The following KASH5 variants were observed in gnomAD, a reference collection of about 807,000 sequenced individuals.
KASH5 encodes the protein protein KASH5.
Under a neutral mutation model 84.2 loss-of-function variants are expected in KASH5, and 72 were observed. That is an observed-to-expected ratio of 0.85 (90% CI 0.71 to 1.04). KASH5 has a LOEUF of 1.04. Ranked by LOEUF, KASH5 falls within the 50% of genes least tolerant of loss-of-function variation. The pLI, the probability that KASH5 is intolerant of heterozygous loss-of-function variation, is 0.00. For synonymous variants in KASH5, 260 were observed against 279.1 expected, an observed-to-expected ratio of 0.93 and a Z score of 0.68; for missense variants, 650 against 701.0, an observed-to-expected ratio of 0.93 and a Z score of 0.82.
Position 49,409,740 on chromosome 19 carries a change from A to G in KASH5, c.1147-13A>G, listed in dbSNP as rs567525620. The G allele has an allele frequency of 2.8e-4, 458 of 1,613,804 alleles. 5 individuals are homozygous for G. The South Asian group carries it at 4.6e-3, about 16-fold the overall frequency. ...ATGGCTCTCCCTGACCTCGGAAACAACTTCTGTCCCAGAAACAGGAAGTGG... is the reference window on the plus strand; with the variant it reads ...ATGGCTCTCCCTGACCTCGGAAACAGCTTCTGTCCCAGAAACAGGAAGTGG... On this transcript the variant is annotated splice_polypyrimidine_tract_variant and intron_variant, in intron 14 of 19. Transcript: ENST00000447857.
chr19:49,401,967 C>T lies in KASH5; in HGVS notation c.798+2460C>T, dbSNP rs543677898. ...TTTTAAGAATGAAAAAGTTGCCAGG[C>T]GCAGTGGCTCACGCCTGTAATCCCA... On this transcript the variant is annotated intron_variant, in intron 9 of 19. Transcript: ENST00000447857. Among the ~76,000 whole-genome samples, 12 of 152,222 alleles carry T rather than the reference C, an allele frequency of 7.9e-5. No homozygotes were observed. In the South Asian group the frequency reaches 8.3e-4, roughly 11 times the overall value.
At chr19:49,406,025 G>A (rs1974515011) in intron 9 of KASH5, among the ~76,000 whole-genome samples, 1 of 150,804 alleles carries the variant, frequency 6.6e-6, no homozygotes, top group African/African-American at 2.4e-5. Flanking sequence ...CTACTAGGGA[G>A]GCTGAGGCAA....
intron 2 of KASH5, among the ~76,000 whole-genome samples, chr19:49,393,993 G>C (rs1220799720): frequency 6.6e-6 from 1 of 152,174 alleles, no homozygotes; most frequent in Non-Finnish European, 1.5e-5. Flanking sequence ...AGGGAGGAGA[G>C]AGACCTGGTC....
rs367728051 is a variant in KASH5 at position 49,394,556 on chromosome 19, G to A, written c.124G>A (p.Glu42Lys). The A allele has an allele frequency of 3.0e-5, 48 of 1,613,504 alleles. No homozygotes were observed. The highest frequency in any genetic ancestry group is 4.5e-5 in the East Asian group (2 of 44,882). Residue 42 changes from glutamate (E) to lysine (K), a missense_variant, in exon 3 of 20, where the codon GAA becomes AAA. Transcript: ENST00000447857. ...GGAGCAAATACTCAACTCCACGTTC[G>A]AAGCTTGTGACCCTCAGAGGACAGG... ...LEEQILNSTF[E>K]ACDPQRTGTV...
At chr19:49,407,016 T>C in intron 10 of KASH5, 53 bp downstream of exon 10, 1 of 1,527,048 alleles carries the variant, frequency 6.5e-7, no homozygotes, top group Non-Finnish European at 8.9e-7. Flanking sequence ...GGGCCATTTT[T>C]CCCATTTCCG....
chr19:49,415,080 C>A, intron 17 of KASH5, 84 bp downstream of exon 17: 1 of 1,288,840 alleles, frequency 7.8e-7, no homozygotes, highest in Non-Finnish European at 1.1e-6. Context: ...TCCCAAGCCC[C>A]AGCCTCACAC....
In KASH5 at chr19:49,417,678, T is replaced by A. The variant is rs767941303; in HGVS notation, c.*168T>A. Reference sequence around the variant, plus strand: ...GTGAAGTCTCCTAGTTTTTTAATGCTGACATTTCTTAACAATAGCAAAACT... The same window carrying A: ...GTGAAGTCTCCTAGTTTTTTAATGCAGACATTTCTTAACAATAGCAAAACT... On this transcript the variant is annotated 3_prime_UTR_variant, in exon 20 of 20. Transcript: ENST00000447857. This position sits in a 1 kb window ranked among gnomAD's most constrained non-coding sequence, Gnocchi z 5.2. The A allele has an allele frequency of 2.4e-6, 2 of 847,272 alleles. No individual in the cohort carries two copies. Among genetic ancestry groups the A allele is most frequent in the Non-Finnish European group, 3.3e-6 (2 of 604,506 alleles). The allele number at this position is 847,272 out of a possible 1,614,324, so 52.5% of individuals were successfully genotyped here.
At chr19:49,389,347 C>T (rs1454267162) in intron 1 of KASH5, among the ~76,000 whole-genome samples, 1 of 151,772 alleles carries the variant, frequency 6.6e-6, no homozygotes, top group Non-Finnish European at 1.5e-5. Flanking sequence ...GTCAGAGACC[C>T]CCCCAAAATC....
chr19:49,407,173 A>C, intron 10 of KASH5, 67 bp from the exon 11 acceptor site: 1 of 1,566,716 alleles, frequency 6.4e-7, no homozygotes, highest in Non-Finnish European at 8.8e-7. Context: ...AGGTGGGGCC[A>C]GGTGGAGGGC....
At position 49,407,338 on chromosome 19, in the gene KASH5, C is replaced by G. The variant is rs753186940; in HGVS notation, c.933+42C>G. 3.1e-6 allele frequency: 5 copies of G among 1,593,548 alleles called. No homozygotes were observed. In the South Asian group the frequency reaches 5.5e-5, roughly 18 times the overall value. On this transcript the variant is annotated intron_variant, in intron 11 of 19. Coordinates refer to ENST00000447857, the MANE Select transcript of KASH5 (RefSeq NM_144688.5). ...GGGAAAGAGATTCGCTTTCCATGTG[C>G]ACCAGCCACTTCCTGCCCCTGGTCT...
At chr19:49,403,286 T>C (rs1185866392) in intron 9 of KASH5, among the ~76,000 whole-genome samples, 1 of 152,028 alleles carries the variant, frequency 6.6e-6, no homozygotes, top group Admixed American at 6.5e-5. Flanking sequence ...GGCAGGAGAA[T>C]GTCGTGAACC....
chr19:49,417,427 C>T lies in KASH5; in HGVS notation c.1606C>T (p.Leu536Phe), dbSNP rs762180949. 6 of 1,555,936 alleles carry T rather than the reference C, an allele frequency of 3.9e-6. No individual in the cohort carries two copies. The highest frequency in any genetic ancestry group is 5.2e-6 in the Non-Finnish European group (6 of 1,149,694). The change falls in exon 20 of 20, where the codon CTC becomes TTC. Residue 536 changes from leucine (L) to phenylalanine (F), a missense_variant. Coordinates refer to ENST00000447857, the MANE Select transcript of KASH5 (RefSeq NM_144688.5). The surrounding 1 kb of genome is among the most constrained non-coding windows in gnomAD (Gnocchi z 5.2). ...CCTGGGCCTGCTGCTGCTGCTGCTG[C>T]TCTCTGTCCTGCTGCTTGGCCCGTC... The part of the protein sequence containing the change: ...PVLGLLLLLL[L>F]SVLLLGPSPP...
At chr19:49,408,462 T>C (rs1432392625) in intron 12 of KASH5, among the ~76,000 whole-genome samples, 23 of 151,968 alleles carry the variant, frequency 1.5e-4, no homozygotes, top group Admixed American at 2.6e-4. Flanking sequence ...TTTTCTTTCT[T>C]TTTTGAGATG....
rs945339998 is a variant in KASH5, at chr19:49,412,536, G to A, written c.1270-432G>A. Among the ~76,000 whole-genome samples, 3 of 152,188 alleles carry A rather than the reference G, an allele frequency of 2.0e-5. No homozygotes were observed. The highest frequency in any genetic ancestry group is 7.2e-5 in the African/African-American group (3 of 41,426). ...ATGCCAATATGTCTCTGGAGAAACCGAGAGGTACTTGGGTCCTGAGGGAGA... is the reference window on the plus strand; with the variant it reads ...ATGCCAATATGTCTCTGGAGAAACCAAGAGGTACTTGGGTCCTGAGGGAGA... On this transcript the variant is annotated intron_variant, in intron 15 of 19. Coordinates refer to ENST00000447857, the MANE Select transcript of KASH5 (RefSeq NM_144688.5). The surrounding 1 kb of genome is among the most constrained non-coding windows in gnomAD (Gnocchi z 4.6).
chr19:49,395,544 G>A lies in KASH5; in HGVS notation c.336-225G>A, dbSNP rs1974146798. The A allele has an allele frequency of 4.9e-6, 3 of 617,292 alleles. No individual in the cohort carries two copies. In the East Asian group the frequency reaches 8.3e-5, roughly 17 times the overall value. 38.2% of individuals were successfully genotyped at this position (617,292 alleles called of 1,614,324 possible). On this transcript the variant is annotated intron_variant, in intron 4 of 19. Transcript: ENST00000447857. The surrounding 1 kb of genome is among the most constrained non-coding windows in gnomAD (Gnocchi z 4.4). ...GGGGCTGGAGAAGGGAGGAGTTTGG[G>A]GCTGACAGAGGTCCCTCCCCAACCC...
chr19:49,407,545 C>G lies in KASH5; in HGVS notation c.934-67C>G, dbSNP rs1402715349. 19 of 1,508,552 alleles carry G rather than the reference C, an allele frequency of 1.3e-5. No homozygotes were observed. In the South Asian group the frequency reaches 1.9e-4, roughly 15 times the overall value. The allele number at this position is 1,508,552 out of a possible 1,614,324, so 93.4% of individuals were successfully genotyped here. A position where few individuals can be genotyped will look rare whatever the true frequency, so the allele number is the denominator to read the frequency against. ...CCCTTAACCCCCCAGCCAGTCCCCCCGCCACCACCACCCCCAGTGTCTTTG... is the reference window on the plus strand; with the variant it reads ...CCCTTAACCCCCCAGCCAGTCCCCCGGCCACCACCACCCCCAGTGTCTTTG... On this transcript the variant is annotated intron_variant, in intron 11 of 19. Transcript: ENST00000447857.
chr19:49,389,643 A>G (rs1002173025), intron 1 of KASH5: 5 of 152,520 alleles, frequency 3.3e-5, no homozygotes, highest in Non-Finnish European at 5.8e-5. Context: ...GCTTGGGGAG[A>G]GCAGGCACTG....
chr19:49,395,392 C>A lies in KASH5; in HGVS notation c.335+100C>A, dbSNP rs1974142586. ...AGCATCCTTTAGGCCCAAGGACCTA[C>A]TGTGTTTGGAATGAGGCTGTGGAGA... On this transcript the variant is annotated intron_variant, in intron 4 of 19. Transcript: ENST00000447857. The surrounding 1 kb of genome is among the most constrained non-coding windows in gnomAD (Gnocchi z 4.4). 1.5e-6 allele frequency: 2 copies of A among 1,292,726 alleles called. No homozygotes were observed. Among genetic ancestry groups the A allele is most frequent in the South Asian group, 1.3e-5 (1 of 77,700 alleles). The allele number at this position is 1,292,726 out of a possible 1,614,324, so 80.1% of individuals were successfully genotyped here. A position where few individuals can be genotyped will look rare whatever the true frequency, so the allele number is the denominator to read the frequency against.
In KASH5 at chr19:49,415,052, C is replaced by T. The variant is rs1410529086; in HGVS notation, c.1374+56C>T. ...CCCATCCACTCCACACCCACAGAGG[C>T]TGAGTCGTTTCAACTCTTCCCAAGC... On this transcript the variant is annotated intron_variant, in intron 17 of 19. Coordinates refer to ENST00000447857, the MANE Select transcript of KASH5 (RefSeq NM_144688.5). 4 of 1,533,276 alleles carry T rather than the reference C, an allele frequency of 2.6e-6. No homozygotes were observed. In the African/African-American group the frequency reaches 5.5e-5, roughly 21 times the overall value. The allele number at this position is 1,533,276 out of a possible 1,614,324, so 95.0% of individuals were successfully genotyped here. A position where few individuals can be genotyped will look rare whatever the true frequency, so the allele number is the denominator to read the frequency against.
Sources: allele counts gnomAD v4.1 joint callset (sites outside exome capture counted in the v4.1 genomes callset), GRCh38; gene constraint gnomAD v4.1.1; non-coding constraint Gnocchi (gnomAD v3.1); transcripts MANE v1.5; gene names NCBI Gene and HGNC (gene_info 2026-07-23, HGNC 2026-07-21).